Variants in CCDC141 observed in about 807,000 individuals in gnomAD.
The protein encoded by CCDC141 is coiled-coil domain containing 141, also known as coiled-coil domain-containing protein 141.
Under a neutral mutation model 181.0 loss-of-function variants are expected in CCDC141, and 168 were observed. That is an observed-to-expected ratio of 0.93 (90% CI 0.82 to 1.05). CCDC141 has a LOEUF of 1.05. Ranked by LOEUF, CCDC141 falls within the 50% of genes least tolerant of loss-of-function variation. The pLI, the probability that CCDC141 is intolerant of heterozygous loss-of-function variation, is 0.00. For synonymous variants in CCDC141, 666 were observed against 642.3 expected (o/e 1.04, Z -0.56); for missense variants, 1,902 against 1,788.5 (o/e 1.06, Z -1.14).
At chr2:178,978,710 T>C (rs1411847888) in intron 2 of CCDC141, 35 bp from the exon 3 acceptor site, 1 of 1,434,960 alleles carries the variant, frequency 7.0e-7, no homozygotes, top group Non-Finnish European at 9.2e-7. Context: ...AGGCAGGGTG[T>C]TAACTTAATG....
intron 2 of CCDC141, among the ~76,000 whole-genome samples, chr2:179,033,759 C>T (rs2043063255): frequency 6.6e-6 from 1 of 152,086 alleles, no homozygotes; most frequent in South Asian, 2.1e-4. Context: ...TAAAGGACTA[C>T]CTTCTAAATA....
intron 2 of CCDC141, among the ~76,000 whole-genome samples, chr2:179,006,733 T>C (rs1327401122): frequency 6.6e-6 from 1 of 152,196 alleles, no homozygotes; most frequent in Non-Finnish European, 1.5e-5. Context: ...AAAACCATTG[T>C]TTTCACTGTT....
At chr2:178,964,224 T>C (rs548005360) in intron 4 of CCDC141, among the ~76,000 whole-genome samples, 1 of 152,276 alleles carries the variant, frequency 6.6e-6, no homozygotes, top group African/African-American at 2.4e-5. Context: ...TTCCTTTGCA[T>C]TGAAGAGCTT....
At chr2:178,926,007 C>T (rs941252582) in intron 6 of CCDC141, among the ~76,000 whole-genome samples, 1 of 152,048 alleles carries the variant, frequency 6.6e-6, no homozygotes, top group African/African-American at 2.4e-5. Context: ...GTTTTATCCA[C>T]AATAAACCTC....
chr2:179,012,220 C>A (rs578099595), intron 2 of CCDC141, among the ~76,000 whole-genome samples: 1 of 152,008 alleles, frequency 6.6e-6, no homozygotes, highest in South Asian at 2.1e-4. Flanking sequence ...AATTGATCGA[C>A]CTTTAGCAAG....
chr2:179,026,367 A>G (rs1416460590), intron 2 of CCDC141, among the ~76,000 whole-genome samples: 1 of 152,222 alleles, frequency 6.6e-6, no homozygotes, highest in Non-Finnish European at 1.5e-5. Flanking sequence ...CATAGAGCTC[A>G]GGCCATGGCT....
chr2:178,973,896 C>T (rs564821744), intron 4 of CCDC141, among the ~76,000 whole-genome samples: 2 of 152,304 alleles, frequency 1.3e-5, no homozygotes, highest in East Asian at 3.9e-4. Flanking sequence ...TTCCTTTGGA[C>T]CTAGCTAGAT....
intron 7 of CCDC141, among the ~76,000 whole-genome samples, chr2:178,917,977 A>C (rs1159854596): frequency 6.6e-6 from 1 of 152,248 alleles, no homozygotes; most frequent in Non-Finnish European, 1.5e-5. Flanking sequence ...AAGAGGATGA[A>C]TAAAAGGAGG....
Position 178,888,631 on chromosome 2 carries a change from T to C in CCDC141, c.1303A>G (p.Ile435Val), listed in dbSNP as rs753663966. The C allele has an allele frequency of 6.4e-7, 1 of 1,550,778 alleles. No homozygotes were observed. Among genetic ancestry groups the C allele is most frequent in the East Asian group, 2.4e-5 (1 of 40,926 alleles). ...GTCAGATGATCCACTCGTCTCTTAATGCACCCCATCATCTCATGGATGCCG... is the reference window on the plus strand; with the variant it reads ...GTCAGATGATCCACTCGTCTCTTAACGCACCCCATCATCTCATGGATGCCG... Reference protein sequence around the residue: ...VSGIHEMMGCIKRRVDHLTEQ... With the variant: ...VSGIHEMMGCVKRRVDHLTEQ... Residue 435 changes from isoleucine to valine, a missense_variant, in exon 9 of 24, where the codon ATT (isoleucine) becomes GTT (valine). Physicochemically the swap from Ile to Val is conservative, Grantham distance 29. Coordinates refer to ENST00000443758, the MANE Select transcript of CCDC141 (RefSeq NM_173648.4).
chr2:178,857,889 T>C (rs140472312), intron 17 of CCDC141, among the ~76,000 whole-genome samples: 2 of 152,314 alleles, frequency 1.3e-5, no homozygotes, highest in African/African-American at 4.8e-5. Context: ...ACAAAATGCA[T>C]GCTTTCTCAA....
At position 178,905,549 on chromosome 2, in the gene CCDC141, C is replaced by T. The variant is rs776341325; in HGVS notation, c.1093-48G>A. 4 of 1,496,736 alleles carry T rather than the reference C, an allele frequency of 2.7e-6. No homozygotes were observed. In the South Asian group the frequency reaches 5.1e-5, roughly 19 times the overall value. 92.7% of individuals were successfully genotyped at this position (1,496,736 alleles called of 1,614,324 possible). On this transcript the variant is annotated intron_variant, in intron 7 of 23. Transcript: ENST00000443758. ...ATTTTCTGCTTCTCTAGTTTAAAAT[C>T]TACATCAACGTGTACACAAAACACT...
At chr2:179,036,003 A>G (rs998791616) in intron 2 of CCDC141, among the ~76,000 whole-genome samples, 1 of 152,208 alleles carries the variant, frequency 6.6e-6, no homozygotes, top group Non-Finnish European at 1.5e-5. Flanking sequence ...TGTTCCTTGC[A>G]GAAATATGGA....
rs1237552705 is a variant in CCDC141 at position 178,988,323 on chromosome 2, G to T, written c.226-9648C>A. On this transcript the variant is annotated intron_variant, in intron 2 of 23. Coordinates refer to ENST00000443758, the MANE Select transcript of CCDC141 (RefSeq NM_173648.4). ...ATCAAACTCTGGGGACTGTTGTGGG[G>T]TGGGGGGAGGGGGGAGGGATAGCAT... 1.2e-3 allele frequency among the ~76,000 whole-genome samples: 134 copies of T among 112,602 alleles called. 2 individuals carry two copies. The highest frequency in any genetic ancestry group is 6.0e-3 in the Middle Eastern group (1 of 166). 73.9% of individuals were successfully genotyped at this position (112,602 alleles called of 152,430 possible). A position where few individuals can be genotyped will look rare whatever the true frequency, so the allele number is the denominator to read the frequency against.
intron 11 of CCDC141, among the ~76,000 whole-genome samples, chr2:178,884,663 C>A (rs1450801206): frequency 6.6e-6 from 1 of 152,148 alleles, no homozygotes; most frequent in Non-Finnish European, 1.5e-5. Context: ...GTCACAGGTG[C>A]TCCTGGGATT....
At chr2:179,011,421 T>C (rs575204300) in intron 2 of CCDC141, among the ~76,000 whole-genome samples, 2 of 152,134 alleles carry the variant, frequency 1.3e-5, no homozygotes, top group East Asian at 3.9e-4. Flanking sequence ...CAGAAAAATA[T>C]CACAATTCTA....
intron 2 of CCDC141, among the ~76,000 whole-genome samples, chr2:179,005,384 G>A (rs546422820): frequency 2.6e-5 from 4 of 152,072 alleles, no homozygotes; most frequent in South Asian, 2.1e-4. Flanking sequence ...TTTAAAATAC[G>A]TTATAATGTA....
intron 8 of CCDC141, among the ~76,000 whole-genome samples, chr2:178,895,960 C>T (rs1348834383): frequency 7.9e-5 from 12 of 152,078 alleles, no homozygotes; most frequent in Admixed American, 6.6e-4. Flanking sequence ...TCATGCCAGC[C>T]CCTTAACATA....
chr2:178,926,815 A>G (rs530820648), intron 6 of CCDC141: 1 of 152,328 alleles, frequency 6.6e-6, no homozygotes, highest in South Asian at 2.1e-4. Context: ...GAAATGATAA[A>G]TGTTTGAGAT....
intron 17 of CCDC141, among the ~76,000 whole-genome samples, chr2:178,857,852 T>G (rs567318605): frequency 6.6e-6 from 1 of 152,322 alleles, no homozygotes; most frequent in South Asian, 2.1e-4. Context: ...ATTATAGAAT[T>G]GTAATGCAGA....
Sources: gnomAD v4.1 joint callset for allele counts (sites outside exome capture counted in the v4.1 genomes callset) on GRCh38, gnomAD v4.1.1 for gene constraint, MANE v1.5 for transcripts, NCBI Gene and HGNC (gene_info 2026-07-23, HGNC 2026-07-21) for gene names.